The following ANK3 variants were observed in gnomAD, a reference collection of about 807,000 sequenced individuals.
ANK3 encodes the protein ankyrin 3.
In ANK3, 57 loss-of-function variants were observed where a neutral mutation model predicts 370.9. The ratio of observed to expected loss-of-function variants is 0.15; its 90% CI spans 0.12 to 0.19. The LOEUF is 0.19. Ranked by LOEUF, ANK3 falls within the 10% of genes least tolerant of loss-of-function variation. The probability of loss-of-function intolerance (pLI) is 1.00; values close to 1 mark genes in which losing one functional copy is unlikely to be tolerated. For synonymous variants in ANK3, 1,929 were observed against 1,946.3 expected, an observed-to-expected ratio of 0.99 and a Z score of 0.23; for missense variants, 4,439 against 5,302.1, an observed-to-expected ratio of 0.84 and a Z score of 5.06.
intron 10 of ANK3, 135 bp from the exon 11 acceptor site, chr10:60,206,025 T>C (rs1296141547): frequency 9.2e-6 from 6 of 649,544 alleles, no homozygotes; most frequent in Non-Finnish European, 1.7e-5. Flanking sequence ...TTAAGCAGCA[T>C]GTAGATTCTA....
rs35974681 is a variant in ANK3 at position 60,648,158 on chromosome 10, C to CT, written c.58-32935dup. On this transcript the variant is annotated intron_variant, in intron 1 of 43. Transcript: ENST00000373827. Reference sequence around the variant, plus strand: ...CTGCGGCCAGCCTCTTTTTTTTTTCCTTTTTTTTTTTTGAGATGGAGTCTC... The same window carrying CT: ...CTGCGGCCAGCCTCTTTTTTTTTTCCTTTTTTTTTTTTTGAGATGGAGTCTC... Among the ~76,000 whole-genome samples, 38 of 101,578 alleles carry CT rather than the reference C, an allele frequency of 3.7e-4. 1 individual carries two copies. The highest frequency in any genetic ancestry group is 7.1e-4 in the African/African-American group (18 of 25,376). The allele number at this position is 101,578 out of a possible 152,430, so 66.6% of individuals were successfully genotyped here.
At chr10:60,326,040 T>C (rs1044614161) in intron 1 of ANK3, among the ~76,000 whole-genome samples, 20 of 152,012 alleles carry the variant, frequency 1.3e-4, no homozygotes, top group African/African-American at 4.6e-4. Context: ...GAAAACCAAA[T>C]ACTGCATGTT....
At chr10:60,315,929 C>CA (rs1446325451) in intron 1 of ANK3, among the ~76,000 whole-genome samples, 7 of 152,144 alleles carry the variant, frequency 4.6e-5, no homozygotes, top group African/African-American at 1.4e-4. Context: ...GGTTATATTT[C>CA]AGGAGTGTTT....
chr10:60,589,368 C>T (rs2077878568), intron 2 of ANK3, among the ~76,000 whole-genome samples: 1 of 152,184 alleles, frequency 6.6e-6, no homozygotes, highest in South Asian at 2.1e-4. Context: ...CTCATAGAAG[C>T]TCTTAATAAG....
At chr10:60,311,656 G>A (rs2046380786) in intron 1 of ANK3, among the ~76,000 whole-genome samples, 1 of 152,082 alleles carries the variant, frequency 6.6e-6, no homozygotes, top group Non-Finnish European at 1.5e-5. Context: ...TTATGCTCCA[G>A]ACACACTGAC....
chr10:60,492,740 A>AG (rs1188366511), intron 2 of ANK3, among the ~76,000 whole-genome samples: 1 of 148,570 alleles, frequency 6.7e-6, no homozygotes, highest in Non-Finnish European at 1.5e-5. Flanking sequence ...AAAGAAAGAA[A>AG]AAAAAAAGAA....
chr10:60,582,662 A>G (rs1013625100), intron 2 of ANK3, among the ~76,000 whole-genome samples: 1 of 148,698 alleles, frequency 6.7e-6, no homozygotes, highest in Non-Finnish European at 1.5e-5. Context: ...ATTTTTATAT[A>G]ATATATTATA....
chr10:60,584,567 T>C (rs937912398), intron 2 of ANK3, among the ~76,000 whole-genome samples: 2 of 152,108 alleles, frequency 1.3e-5, no homozygotes, highest in African/African-American at 4.8e-5. Flanking sequence ...CAATGAGCTA[T>C]AATTGCACCA....
At chr10:60,443,517 G>A (rs1247427290) in intron 2 of ANK3, among the ~76,000 whole-genome samples, 4 of 152,134 alleles carry the variant, frequency 2.6e-5, no homozygotes, top group African/African-American at 4.8e-5. Context: ...TGGCCCAATC[G>A]TGTTTTTCAA....
chr10:60,682,129 A>G (rs1452628544), intron 1 of ANK3, among the ~76,000 whole-genome samples: 3 of 152,218 alleles, frequency 2.0e-5, no homozygotes, highest in Admixed American at 6.5e-5. Flanking sequence ...CCTGGGTGAC[A>G]CAGCAAGACT....
chr10:60,575,584 T>C (rs1394914198), intron 2 of ANK3, among the ~76,000 whole-genome samples: 2 of 152,190 alleles, frequency 1.3e-5, no homozygotes, highest in Non-Finnish European at 2.9e-5. Context: ...CTATGTGGCA[T>C]ATAACATGTT....
At chr10:60,398,534 T>C (rs929115505) in intron 2 of ANK3, among the ~76,000 whole-genome samples, 4 of 152,200 alleles carry the variant, frequency 2.6e-5, no homozygotes, top group Admixed American at 2.0e-4. Context: ...ATAATACCCA[T>C]GAAAATTTGT....
chr10:60,215,740 G>GT (rs1309928439), intron 8 of ANK3, among the ~76,000 whole-genome samples: 3 of 152,164 alleles, frequency 2.0e-5, no homozygotes, highest in African/African-American at 7.2e-5. Context: ...GGCTGTTTTG[G>GT]TTACTGTAGC....
At chr10:60,492,162 A>G (rs1169587083) in intron 2 of ANK3, among the ~76,000 whole-genome samples, 1 of 152,210 alleles carries the variant, frequency 6.6e-6, no homozygotes, top group Non-Finnish European at 1.5e-5. Context: ...AGTAGGCTAT[A>G]CCATCTAGCT....
intron 25 of ANK3, 70 bp from the exon 26 acceptor site, chr10:60,114,401 A>G (rs2092938160): frequency 1.6e-5 from 12 of 730,222 alleles, no homozygotes; most frequent in Non-Finnish European, 2.4e-5. Context: ...ACACATATAA[A>G]ATATATTTGT....
chr10:60,577,560 C>G (rs924187642), intron 2 of ANK3, among the ~76,000 whole-genome samples: 3 of 152,210 alleles, frequency 2.0e-5, no homozygotes, highest in Admixed American at 1.3e-4. Context: ...TTCTGTTACT[C>G]TCTCTTGTTT....
intron 2 of ANK3, among the ~76,000 whole-genome samples, chr10:60,551,322 C>T (rs1381235802): frequency 6.6e-6 from 1 of 152,070 alleles, no homozygotes; most frequent in Non-Finnish European, 1.5e-5. Flanking sequence ...ATTGATGAAA[C>T]ATTTACAGAA....
chr10:60,572,244 C>T (rs1310038903), intron 2 of ANK3, among the ~76,000 whole-genome samples: 2 of 152,116 alleles, frequency 1.3e-5, no homozygotes, highest in Non-Finnish European at 2.9e-5. Flanking sequence ...ATCTAAATGA[C>T]TGTATTTAAC....
At chr10:60,297,003 A>T (rs1487446605) in intron 1 of ANK3, among the ~76,000 whole-genome samples, 2 of 152,176 alleles carry the variant, frequency 1.3e-5, no homozygotes, top group African/African-American at 2.4e-5. Context: ...AATAAATAAA[A>T]AAGTATGCAG....
Sources: gnomAD v4.1 joint callset for allele counts (sites outside exome capture counted in the v4.1 genomes callset) on GRCh38, gnomAD v4.1.1 for gene constraint, MANE v1.5 for transcripts, NCBI Gene and HGNC (gene_info 2026-07-23, HGNC 2026-07-21) for gene names.